BRINP1: variants seen among roughly 807,000 people sequenced by gnomAD.
BRINP1 encodes the protein BMP/retinoic acid-inducible neural-specific protein 1.
BRINP1 carries 17 observed loss-of-function variants against 72.9 expected under a neutral mutation model. The observed-to-expected ratio is 0.23, with a 90% CI of 0.16 to 0.35. BRINP1 has a LOEUF of 0.35. Ranked by LOEUF, BRINP1 falls within the 10% of genes least tolerant of loss-of-function variation. BRINP1 has a pLI of 1.00. For synonymous variants in BRINP1, 418 were observed against 378.5 expected (o/e 1.10, Z -1.21); for missense variants, 850 against 1,001.6 (o/e 0.85, Z 2.04).
At chr9:119,361,045 A>T (rs1206402115) in intron 1 of BRINP1, among the ~76,000 whole-genome samples, 1 of 152,150 alleles carries the variant, frequency 6.6e-6, no homozygotes, top group African/African-American at 2.4e-5. Flanking sequence ...GCAAACTGAG[A>T]ACAAAATTTG....
At position 119,166,691 on chromosome 9, in the gene BRINP1, G is replaced by C. The variant is rs1335577353; in HGVS notation, c.*393C>G. ...CCATTTCCTCCAAAAAGGAAAAATG[G>C]CAGTGTCAGTTGTACATTACATATA... On this transcript the variant is annotated 3_prime_UTR_variant, in exon 8 of 8. Transcript: ENST00000265922. 1.9e-5 allele frequency: 3 copies of C among 157,628 alleles called. No homozygotes were observed. The highest frequency in any genetic ancestry group is 7.2e-5 in the African/African-American group (3 of 41,582). 9.8% of individuals were successfully genotyped at this position (157,628 alleles called of 1,614,324 possible).
Position 119,312,086 on chromosome 9 carries a change from G to T in BRINP1, c.218+1052C>A, listed in dbSNP as rs1026362048. 2.0e-5 allele frequency among the ~76,000 whole-genome samples: 3 copies of T among 152,308 alleles called. No homozygotes were observed. In the South Asian group the frequency reaches 6.2e-4, roughly 32 times the overall value. ...AAAGGATGCTACTGTTGAATATTCT[G>T]AATCTGTGGTTCCATTCAGGATATG... On this transcript the variant is annotated intron_variant, in intron 2 of 7. Transcript: ENST00000265922.
At chr9:119,171,561 T>G (rs571788195) in intron 7 of BRINP1, among the ~76,000 whole-genome samples, 1 of 146,650 alleles carries the variant, frequency 6.8e-6, no homozygotes, top group Non-Finnish European at 1.5e-5. Flanking sequence ...CTGTCAACAT[T>G]AGACAGATCA....
At chr9:119,304,273 T>A (rs2118986842) in intron 2 of BRINP1, among the ~76,000 whole-genome samples, 1 of 152,312 alleles carries the variant, frequency 6.6e-6, no homozygotes, top group Middle Eastern at 3.4e-3. Flanking sequence ...GCTCACATGG[T>A]TTAAGCAACG....
At chr9:119,262,803 A>G (rs769971629) in intron 2 of BRINP1, among the ~76,000 whole-genome samples, 22 of 152,164 alleles carry the variant, frequency 1.4e-4, no homozygotes, top group Non-Finnish European at 2.8e-4. Context: ...ACTCATCTGT[A>G]AAATGAACAG....
chr9:119,233,213 AT>A (rs983517332), intron 5 of BRINP1, among the ~76,000 whole-genome samples: 17 of 152,076 alleles, frequency 1.1e-4, no homozygotes, highest in African/African-American at 4.1e-4. Context: ...GAGGAAACAC[AT>A]TTGAAGAAGC....
At chr9:119,249,516 C>T (rs1830356483) in intron 2 of BRINP1, among the ~76,000 whole-genome samples, 1 of 152,044 alleles carries the variant, frequency 6.6e-6, no homozygotes, top group South Asian at 2.1e-4. Context: ...TGATAATGTA[C>T]TGATGAAAAT....
intron 2 of BRINP1, among the ~76,000 whole-genome samples, chr9:119,301,906 G>A (rs974747493): frequency 4.6e-5 from 7 of 152,098 alleles, no homozygotes; most frequent in South Asian, 2.1e-4. Flanking sequence ...ACTTTGCACC[G>A]TCTCCCATCT....
chr9:119,302,482 AT>A lies in BRINP1; in HGVS notation c.218+10655del, dbSNP rs1216878549. Among the ~76,000 whole-genome samples the A allele has an allele frequency of 3.3e-5, 5 of 151,982 alleles. No individual in the cohort carries two copies. In the East Asian group the frequency reaches 7.7e-4, roughly 23 times the overall value. ...CTACTTATTAAATAGTGTTATTGGT[AT>A]TTTTGGGGGGGCCTATGGGAATCAT... On this transcript the variant is annotated intron_variant, in intron 2 of 7. Coordinates refer to ENST00000265922, the MANE Select transcript of BRINP1 (RefSeq NM_014618.3).
At chr9:119,258,420 T>C (rs181522118) in intron 2 of BRINP1, among the ~76,000 whole-genome samples, 103 of 152,308 alleles carry the variant, frequency 6.8e-4, no homozygotes, top group African/African-American at 2.3e-3. Context: ...ATGGTGGCTA[T>C]GAGAGTTAAT....
intron 1 of BRINP1, among the ~76,000 whole-genome samples, chr9:119,344,479 G>C (rs1831432612): frequency 6.6e-6 from 1 of 152,108 alleles, no homozygotes; most frequent in African/African-American, 2.4e-5. Flanking sequence ...ACAATAGGTG[G>C]ACAACACATT....
chr9:119,176,772 C>T (rs1348843516), intron 7 of BRINP1, among the ~76,000 whole-genome samples: 1 of 152,148 alleles, frequency 6.6e-6, no homozygotes, highest in African/African-American at 2.4e-5. Flanking sequence ...ATTTCACTAT[C>T]GCTCTGGAGT....
At chr9:119,212,705 T>C (rs989294637) in intron 6 of BRINP1, among the ~76,000 whole-genome samples, 5 of 152,234 alleles carry the variant, frequency 3.3e-5, no homozygotes, top group African/African-American at 1.2e-4. Flanking sequence ...GTCCATTTAT[T>C]TAACAGGTAC....
chr9:119,256,266 T>C (rs1369956482), intron 2 of BRINP1, among the ~76,000 whole-genome samples: 1 of 152,180 alleles, frequency 6.6e-6, no homozygotes, highest in African/African-American at 2.4e-5. Context: ...ATATCATCAT[T>C]GTTGTTATGA....
chr9:119,209,016 T>C, intron 6 of BRINP1, 75 bp from the exon 7 acceptor site: 1 of 1,232,332 alleles, frequency 8.1e-7, no homozygotes, highest in South Asian at 1.3e-5. Flanking sequence ...GAATGCTTAG[T>C]GTCACTTTCC....
At chr9:119,341,562 G>A (rs1460088833) in intron 1 of BRINP1, among the ~76,000 whole-genome samples, 2 of 152,130 alleles carry the variant, frequency 1.3e-5, no homozygotes, top group Admixed American at 6.5e-5. Flanking sequence ...ACGATTTTAT[G>A]AGAATAAACA....
intron 7 of BRINP1, among the ~76,000 whole-genome samples, chr9:119,177,653 C>G (rs544577384): frequency 6.6e-6 from 1 of 152,318 alleles, no homozygotes; most frequent in East Asian, 1.9e-4. Flanking sequence ...CCACAGCCCC[C>G]ACTCCTTGAA....
chr9:119,167,617 G>A lies in BRINP1; in HGVS notation c.1753C>T (p.Pro585Ser), dbSNP rs779331633. 1 of 1,614,126 alleles carries A rather than the reference G, an allele frequency of 6.2e-7. No individual in the cohort carries two copies. The highest frequency in any genetic ancestry group is 8.5e-7 in the Non-Finnish European group (1 of 1,180,042). Residue 585 changes from proline to serine, a missense_variant, in exon 8 of 8, where the codon CCA (proline) becomes TCA (serine). By Grantham distance (74) the Pro-to-Ser change is moderately conservative. Coordinates refer to ENST00000265922, the MANE Select transcript of BRINP1 (RefSeq NM_014618.3). The surrounding 1 kb of genome is among the most constrained non-coding windows in gnomAD (Gnocchi z 4.3). ...WNMPFGEFGY[P>S]RWEKIRLQNS... ...TGGAGACGGATCTTCTCCCAGCGTG[G>A]GTAGCCAAATTCCCCGAAGGGCATG... is the stretch of plus-strand genomic sequence containing the variant.
intron 2 of BRINP1, among the ~76,000 whole-genome samples, chr9:119,272,180 G>A (rs1323983777): frequency 6.6e-6 from 1 of 151,012 alleles, no homozygotes; most frequent in East Asian, 2.0e-4. Flanking sequence ...CCGGGTTCAA[G>A]CAATTCTCGT....
Sources: gnomAD v4.1 joint callset for allele counts (sites outside exome capture counted in the v4.1 genomes callset) on GRCh38, gnomAD v4.1.1 for gene constraint, Gnocchi (gnomAD v3.1) non-coding constraint, MANE v1.5 for transcripts, NCBI Gene and HGNC (gene_info 2026-07-23, HGNC 2026-07-21) for gene names.